CDH18: variants seen among roughly 807,000 people sequenced by gnomAD.
The protein encoded by CDH18 is cadherin-18.
A neutral mutation model predicts 67.9 loss-of-function variants in CDH18; 31 were observed. The ratio of observed to expected loss-of-function variants is 0.46; its 90% CI spans 0.34 to 0.62. The LOEUF is 0.62. CDH18 is among the 20% of genes least tolerant of loss of function. CDH18 has a pLI of 0.01. For synonymous variants in CDH18, 362 were observed against 347.2 expected, an observed-to-expected ratio of 1.04 and a Z score of -0.48; for missense variants, 890 against 975.5, an observed-to-expected ratio of 0.91 and a Z score of 1.17.
In CDH18 at chr5:19,721,466, C is replaced by T; in HGVS notation, c.524G>A (p.Gly175Asp). 1 of 1,604,668 alleles carries T rather than the reference C, an allele frequency of 6.2e-7. No homozygotes were observed. The highest frequency in any genetic ancestry group is 8.5e-7 in the Non-Finnish European group (1 of 1,174,826). ...AGCTGTCACCTGTAGAACAGAGGTACCTGTGCATTCAGGAAAACAAATTTT... is the reference window on the plus strand; with the variant it reads ...AGCTGTCACCTGTAGAACAGAGGTATCTGTGCATTCAGGAAAACAAATTTT... ...IVTVPEMSDMGTSVLQVTATD... is the reference protein window; with the variant it reads ...IVTVPEMSDMDTSVLQVTATD... Residue 175 changes from glycine (G) to aspartate (D), a missense_variant and splice_region_variant, in exon 5 of 13, where the codon GGT becomes GAT. Physicochemically the swap from Gly to Asp is moderately conservative, Grantham distance 94 (BLOSUM62 -1). Around this residue, in one of 2 missense-constraint regions of CDH18, gnomAD observed 234 missense variants for 307.4 expected, o/e 0.76. Coordinates refer to ENST00000382275, the MANE Select transcript of CDH18 (RefSeq NM_004934.5).
At chr5:20,538,440 T>C (rs1756849550) in intron 1 of CDH18, among the ~76,000 whole-genome samples, 1 of 152,198 alleles carries the variant, frequency 6.6e-6, no homozygotes, top group South Asian at 2.1e-4. Context: ...TTTAATTATG[T>C]AATTGTGATT....
At chr5:20,010,578 T>G (rs1005835149) in intron 2 of CDH18, among the ~76,000 whole-genome samples, 1 of 152,092 alleles carries the variant, frequency 6.6e-6, no homozygotes, top group Non-Finnish European at 1.5e-5. Flanking sequence ...CTCATAAAAT[T>G]TTCTATATCA....
chr5:19,482,387 A>T (rs1460949990), intron 12 of CDH18, among the ~76,000 whole-genome samples: 2 of 152,144 alleles, frequency 1.3e-5, no homozygotes, highest in Non-Finnish European at 2.9e-5. Context: ...AAGTGCTGGG[A>T]TTACAGGCGT....
At chr5:19,603,639 A>G (rs987478310) in intron 6 of CDH18, among the ~76,000 whole-genome samples, 2 of 151,578 alleles carry the variant, frequency 1.3e-5, no homozygotes, top group African/African-American at 4.8e-5. Context: ...TATGATGAAA[A>G]TCTGACCAAA....
At chr5:20,202,499 A>T (rs1460435709) in intron 2 of CDH18, among the ~76,000 whole-genome samples, 1 of 152,044 alleles carries the variant, frequency 6.6e-6, no homozygotes, top group Admixed American at 6.6e-5. Flanking sequence ...ATTAAAAATC[A>T]GTTTTTTGAT....
At chr5:19,533,411 A>G (rs1748955362) in intron 9 of CDH18, among the ~76,000 whole-genome samples, 1 of 152,156 alleles carries the variant, frequency 6.6e-6, no homozygotes, top group Non-Finnish European at 1.5e-5. Context: ...CATGGAAGAA[A>G]AGAGAGTACA....
chr5:20,012,098 C>G (rs1737491328), intron 2 of CDH18, among the ~76,000 whole-genome samples: 1 of 151,714 alleles, frequency 6.6e-6, no homozygotes, highest in Admixed American at 6.6e-5. Context: ...AAGACTATAA[C>G]TGCCTCAATT....
chr5:20,305,524 C>G (rs1736346690), intron 1 of CDH18: 1 of 913,584 alleles, frequency 1.1e-6, no homozygotes, highest in Non-Finnish European at 1.8e-6. Flanking sequence ...CGCAGCGGCG[C>G]AGGGGTCTCG....
chr5:19,635,418 T>G (rs1752997188), intron 5 of CDH18, among the ~76,000 whole-genome samples: 4 of 152,168 alleles, frequency 2.6e-5, no homozygotes, highest in African/African-American at 9.6e-5. Context: ...AGTCATCTTC[T>G]CATAGTTTAA....
At chr5:20,480,061 A>G (rs1015496381) in intron 1 of CDH18, among the ~76,000 whole-genome samples, 1 of 152,208 alleles carries the variant, frequency 6.6e-6, no homozygotes, top group East Asian at 1.9e-4. Flanking sequence ...ATGAAAGAGA[A>G]ATAAAGACTT....
At chr5:20,507,832 G>T (rs1754748299) in intron 1 of CDH18, among the ~76,000 whole-genome samples, 1 of 152,048 alleles carries the variant, frequency 6.6e-6, no homozygotes, top group South Asian at 2.1e-4. Context: ...TACACGTTTA[G>T]AAAATTTTGC....
intron 1 of CDH18, among the ~76,000 whole-genome samples, chr5:20,448,590 G>T (rs1692948274): frequency 6.6e-6 from 1 of 152,080 alleles, no homozygotes; most frequent in South Asian, 2.1e-4. Flanking sequence ...TTGGGATCCT[G>T]CTTGGTACCT....
intron 1 of CDH18, among the ~76,000 whole-genome samples, chr5:20,343,052 G>T (rs1398862729): frequency 1.3e-5 from 2 of 152,154 alleles, no homozygotes; most frequent in Non-Finnish European, 2.9e-5. Flanking sequence ...GGTTTGAACT[G>T]CAGTCACTCA....
intron 1 of CDH18, chr5:20,304,921 G>A (rs1736285881): frequency 3.3e-5 from 53 of 1,613,152 alleles, no homozygotes; most frequent in Non-Finnish European, 4.5e-5. Context: ...GAGGGGGTTT[G>A]TATTCACGTG....
intron 1 of CDH18, among the ~76,000 whole-genome samples, chr5:20,403,253 T>A (rs6874996): frequency 0.99 from 151,206 of 152,286 alleles, 75,076 homozygotes; most frequent in Middle Eastern, 1. Context: ...ATCACTATCT[T>A]TGGTAGCTAT....
chr5:20,486,349 C>A (rs1581091996), intron 1 of CDH18, among the ~76,000 whole-genome samples: 1 of 152,086 alleles, frequency 6.6e-6, no homozygotes, highest in Admixed American at 6.6e-5. Context: ...ATAGAGATTG[C>A]ATGTTTCACT....
intron 10 of CDH18, among the ~76,000 whole-genome samples, chr5:19,506,246 A>G (rs942001022): frequency 1.3e-5 from 2 of 152,194 alleles, no homozygotes; most frequent in Non-Finnish European, 2.9e-5. Flanking sequence ...CCACTGCTCA[A>G]TGAAATAAAA....
chr5:19,564,697 G>T (rs116144701), intron 8 of CDH18, among the ~76,000 whole-genome samples: 2,624 of 152,230 alleles, frequency 0.017, 67 homozygotes, highest in African/African-American at 0.06. Flanking sequence ...ATAAAGGGGA[G>T]TTTGTCTTGC....
At chr5:19,481,658 T>G (rs1561156805) in intron 12 of CDH18, among the ~76,000 whole-genome samples, 1 of 152,192 alleles carries the variant, frequency 6.6e-6, no homozygotes, top group Non-Finnish European at 1.5e-5. Context: ...CTCTGGATGC[T>G]CTCACCCTTT....
Sources: allele counts gnomAD v4.1 joint callset (sites outside exome capture counted in the v4.1 genomes callset), GRCh38; gene constraint gnomAD v4.1.1; regional missense constraint gnomAD v4.1.1; transcripts MANE v1.5; gene names NCBI Gene and HGNC (gene_info 2026-07-23, HGNC 2026-07-21).